CNTN3: variants seen among roughly 807,000 people sequenced by gnomAD.
CNTN3 encodes the protein contactin 3.
In CNTN3, 60 loss-of-function variants were observed where a neutral mutation model predicts 119.1. The ratio of observed to expected loss-of-function variants is 0.50; its 90% CI spans 0.41 to 0.62. CNTN3 has a LOEUF of 0.62. Among genes scored for constraint, CNTN3 ranks in the 20% least tolerant of loss-of-function variants. CNTN3 has a pLI of 0.00. For synonymous variants in CNTN3, 450 were observed against 438.7 expected, an observed-to-expected ratio of 1.03 and a Z score of -0.32; for missense variants, 1,101 against 1,242.4, an observed-to-expected ratio of 0.89 and a Z score of 1.71.
At chr3:74,444,711 C>G (rs1407439498) in intron 4 of CNTN3, among the ~76,000 whole-genome samples, 1 of 152,076 alleles carries the variant, frequency 6.6e-6, no homozygotes, top group Non-Finnish European at 1.5e-5. Context: ...TGGTCTACTC[C>G]TACGAAAATC....
At chr3:74,402,665 T>C (rs972924691) in intron 5 of CNTN3, among the ~76,000 whole-genome samples, 4 of 152,096 alleles carry the variant, frequency 2.6e-5, no homozygotes, top group African/African-American at 9.7e-5. Flanking sequence ...GGATTCCAAT[T>C]GAAGGTAGTC....
intron 11 of CNTN3, among the ~76,000 whole-genome samples, chr3:74,352,933 A>T (rs767120555): frequency 2.0e-5 from 3 of 152,014 alleles, no homozygotes; most frequent in Non-Finnish European, 4.4e-5. Flanking sequence ...TTTGATGGGT[A>T]GACCACGGAT....
chr3:74,557,731 A>AC (rs1360109426), intron 1 of CNTN3, among the ~76,000 whole-genome samples: 1 of 151,320 alleles, frequency 6.6e-6, no homozygotes, highest in Non-Finnish European at 1.5e-5. Context: ...ACAGATGAAA[A>AC]AAAAAAAAAA....
intron 11 of CNTN3, among the ~76,000 whole-genome samples, chr3:74,357,579 G>A (rs930773540): frequency 6.6e-6 from 1 of 152,008 alleles, no homozygotes; most frequent in African/African-American, 2.4e-5. Context: ...CACTGCACTC[G>A]GCCTCAGTTT....
At chr3:74,560,365 G>C (rs1704135301) in intron 1 of CNTN3, among the ~76,000 whole-genome samples, 1 of 152,126 alleles carries the variant, frequency 6.6e-6, no homozygotes, top group South Asian at 2.1e-4. Context: ...ACAGATGACA[G>C]CTGGCTATTA....
At chr3:74,368,671 T>C (rs550015814) in intron 8 of CNTN3, among the ~76,000 whole-genome samples, 7 of 152,152 alleles carry the variant, frequency 4.6e-5, no homozygotes, top group South Asian at 2.1e-4. Context: ...ATAAAAGTGA[T>C]TGCAAATTAA....
At chr3:74,426,045 T>A (rs1232712738) in intron 4 of CNTN3, among the ~76,000 whole-genome samples, 1 of 152,196 alleles carries the variant, frequency 6.6e-6, no homozygotes, top group Non-Finnish European at 1.5e-5. Flanking sequence ...ACGGTTATTT[T>A]TAGAGAACAT....
chr3:74,393,273 C>T (rs1044396187), intron 5 of CNTN3, among the ~76,000 whole-genome samples: 6 of 152,106 alleles, frequency 3.9e-5, no homozygotes, highest in South Asian at 2.1e-4. Context: ...TCTGAGAACA[C>T]GCATTTGACT....
chr3:74,492,819 A>G (rs966158212), intron 3 of CNTN3, among the ~76,000 whole-genome samples: 1 of 152,100 alleles, frequency 6.6e-6, no homozygotes, highest in South Asian at 2.1e-4. Context: ...TAATGAGTTA[A>G]ATCAGTAAAA....
chr3:74,357,682 G>T (rs1028011061), intron 11 of CNTN3, among the ~76,000 whole-genome samples: 6 of 152,080 alleles, frequency 3.9e-5, no homozygotes, highest in African/African-American at 1.5e-4. Flanking sequence ...TAATCAAAAT[G>T]TATTTGCTGC....
At chr3:74,266,102 A>T (rs1205688792) in intron 22 of CNTN3, among the ~76,000 whole-genome samples, 1 of 152,132 alleles carries the variant, frequency 6.6e-6, no homozygotes, top group African/African-American at 2.4e-5. Flanking sequence ...TAAAGAATTG[A>T]TAAGATTTAT....
At chr3:74,601,071 A>G (rs1704902685) in intron 1 of CNTN3, among the ~76,000 whole-genome samples, 1 of 150,284 alleles carries the variant, frequency 6.7e-6, no homozygotes, top group Non-Finnish European at 1.5e-5. Context: ...TATATGTCCT[A>G]TATTTTTATA....
At chr3:74,545,339 T>G (rs1164862348) in intron 1 of CNTN3, among the ~76,000 whole-genome samples, 1 of 152,202 alleles carries the variant, frequency 6.6e-6, no homozygotes, top group Non-Finnish European at 1.5e-5. Flanking sequence ...ATATTTATGC[T>G]GTGTGGCCAC....
intron 21 of CNTN3, 122 bp from the exon 22 acceptor site, chr3:74,266,771 T>A: frequency 1.3e-6 from 1 of 787,050 alleles, no homozygotes; most frequent in Non-Finnish European, 2.0e-6. Context: ...GTAAGTTTCA[T>A]TCATGACTCT....
At chr3:74,266,726 A>C (rs565563654) in intron 21 of CNTN3, 77 bp from the exon 22 acceptor site, 1 of 1,335,644 alleles carries the variant, frequency 7.5e-7, no homozygotes, top group Non-Finnish European at 1.1e-6. Context: ...TCTCTCTGAA[A>C]TTAACTAATT....
intron 4 of CNTN3, among the ~76,000 whole-genome samples, chr3:74,486,011 CT>C (rs1482749233): frequency 7.2e-5 from 11 of 152,128 alleles, no homozygotes; most frequent in African/African-American, 2.7e-4. Flanking sequence ...GACAGTCTTT[CT>C]TCCTTAATAT....
intron 1 of CNTN3, among the ~76,000 whole-genome samples, chr3:74,578,765 A>G (rs1357888103): frequency 6.6e-6 from 1 of 152,084 alleles, no homozygotes; most frequent in African/African-American, 2.4e-5. Flanking sequence ...TCCCTTCCTC[A>G]AAAGGACTCT....
At chr3:74,587,402 T>C (rs1348741023) in intron 1 of CNTN3, among the ~76,000 whole-genome samples, 6 of 152,082 alleles carry the variant, frequency 3.9e-5, no homozygotes, top group Non-Finnish European at 8.8e-5. Flanking sequence ...TGAAAACAAC[T>C]GCACAACTTA....
At chr3:74,379,961 T>G (rs1704574671) in intron 5 of CNTN3, among the ~76,000 whole-genome samples, 1 of 152,208 alleles carries the variant, frequency 6.6e-6, no homozygotes, top group Admixed American at 6.5e-5. Context: ...TTTATGAAAC[T>G]TAGACAATTC....
Sources: gnomAD v4.1 joint callset for allele counts (sites outside exome capture counted in the v4.1 genomes callset) on GRCh38, gnomAD v4.1.1 for gene constraint, MANE v1.5 for transcripts, NCBI Gene and HGNC (gene_info 2026-07-23, HGNC 2026-07-21) for gene names.